PREX1: variants seen among roughly 807,000 people sequenced by gnomAD.
PREX1 encodes the protein phosphatidylinositol-3,4,5-trisphosphate dependent Rac exchange factor 1.
Under a neutral mutation model 198.3 loss-of-function variants are expected in PREX1, and 41 were observed. That is an observed-to-expected ratio of 0.21 (90% CI 0.16 to 0.27). The LOEUF is 0.27. Among genes scored for constraint, PREX1 ranks in the 10% least tolerant of loss-of-function variants. The pLI is 1.00. For synonymous variants in PREX1, 843 were observed against 887.2 expected, an observed-to-expected ratio of 0.95 and a Z score of 0.89; for missense variants, 1,620 against 2,200.7, an observed-to-expected ratio of 0.74 and a Z score of 5.28.
At chr20:48,688,564 G>GC in intron 10 of PREX1, 93 bp downstream of exon 10, 1 of 1,510,412 alleles carries the variant, frequency 6.6e-7, no homozygotes, top group East Asian at 2.3e-5. Context: ...TGGCTCCTGG[G>GC]CAGGGCCAGG....
chr20:48,795,622 G>A (rs1193577239), intron 1 of PREX1, among the ~76,000 whole-genome samples: 6 of 151,868 alleles, frequency 4.0e-5, no homozygotes, highest in African/African-American at 1.5e-4. Context: ...AAAAAGGCAG[G>A]AACCACCAAG....
chr20:48,847,550 A>C, the PREX1 span, among the ~76,000 whole-genome samples: 8 of 152,132 alleles, frequency 5.3e-5, no homozygotes, highest in Admixed American at 1.3e-4. Context: ...TATAGAAGAA[A>C]ATGAAAATTG....
Position 48,691,016 on chromosome 20 carries a change from T to C in PREX1, c.1117A>G (p.Met373Val). ...TGCTTCTCCTCTGCCGTCTTGGCCA[T>C]GCAGACAAACCACTTATTCTTGGCC... ...NTAKNKWFVCMAKTAEEKQKW... is the reference protein window; with the variant it reads ...NTAKNKWFVCVAKTAEEKQKW... The change falls in exon 9 of 40, where the codon ATG becomes GTG. Residue 373 changes from methionine to valine, a missense_variant. Met to Val is a conservative substitution (Grantham distance 21). Coordinates refer to ENST00000371941, the MANE Select transcript of PREX1 (RefSeq NM_020820.4). The surrounding 1 kb of genome is among the most constrained non-coding windows in gnomAD (Gnocchi z 5.0). 1 of 1,614,250 alleles carries C rather than the reference T, an allele frequency of 6.2e-7. No homozygotes were observed. The highest frequency in any genetic ancestry group is 8.5e-7 in the Non-Finnish European group (1 of 1,180,050).
intron 34 of PREX1, 21 bp downstream of exon 34, chr20:48,632,475 T>C: frequency 6.2e-7 from 1 of 1,613,874 alleles, no homozygotes. Flanking sequence ...TGGTCCTCCC[T>C]GCCCCAGGCC....
At chr20:48,663,078 G>A (rs904970447) in intron 15 of PREX1, among the ~76,000 whole-genome samples, 2 of 152,200 alleles carry the variant, frequency 1.3e-5, no homozygotes, top group Non-Finnish European at 2.9e-5. Context: ...CAGCTGTCCA[G>A]ACTGGCCCTT....
intron 25 of PREX1, among the ~76,000 whole-genome samples, chr20:48,648,004 C>T (rs1306835092): frequency 6.6e-6 from 1 of 152,188 alleles, no homozygotes; most frequent in Non-Finnish European, 1.5e-5. Context: ...CTTCTGGGCT[C>T]AAGTCATCCT....
chr20:48,787,072 G>A (rs1601135844), intron 1 of PREX1, among the ~76,000 whole-genome samples: 2 of 151,952 alleles, frequency 1.3e-5, no homozygotes, highest in East Asian at 3.9e-4. Flanking sequence ...CCTCACTGGT[G>A]GCTAGAAACG....
chr20:48,651,979 C>T (rs879774677), intron 21 of PREX1, among the ~76,000 whole-genome samples: 3 of 152,190 alleles, frequency 2.0e-5, no homozygotes, highest in African/African-American at 2.4e-5. Context: ...AGATTCTCCC[C>T]GAGAGCCCAA....
rs142766955 is a variant in PREX1, at chr20:48,787,591, G to A, written c.220-39711C>T. ...TGTAAGCAGGACGACGAAAACCCTC[G>A]TCTTCCCCCTTACATTAAAAAAAAA... On this transcript the variant is annotated intron_variant, in intron 1 of 39. Coordinates refer to ENST00000371941, the MANE Select transcript of PREX1 (RefSeq NM_020820.4). 3.7e-3 allele frequency among the ~76,000 whole-genome samples: 542 copies of A among 147,322 alleles called. 7 individuals carry two copies. The highest frequency in any genetic ancestry group is 0.013 in the African/African-American group (503 of 39,854).
At chr20:48,707,259 A>G (rs1238492649) in intron 6 of PREX1, among the ~76,000 whole-genome samples, 1 of 152,106 alleles carries the variant, frequency 6.6e-6, no homozygotes, top group East Asian at 1.9e-4. Context: ...CAGACCCCAA[A>G]TCATATCCCA....
At chr20:48,751,975 A>G (rs7274977) in intron 1 of PREX1, among the ~76,000 whole-genome samples, 62,581 of 152,012 alleles carry the variant, frequency 0.41, 13,193 homozygotes, top group Admixed American at 0.46. Flanking sequence ...CAACAAGTCT[A>G]GGGGAGGCAC....
intron 1 of PREX1, among the ~76,000 whole-genome samples, chr20:48,765,977 C>T (rs1429945153): frequency 6.6e-6 from 1 of 152,162 alleles, no homozygotes; most frequent in African/African-American, 2.4e-5. Flanking sequence ...ACAAACCCTA[C>T]TGCAAACCAC....
At position 48,739,553 on chromosome 20, in the gene PREX1, T is replaced by A. The variant is rs535753409; in HGVS notation, c.415-4903A>T. Among the ~76,000 whole-genome samples the A allele has an allele frequency of 7.9e-5, 12 of 152,342 alleles. 1 individual carries two copies. Among genetic ancestry groups the A allele is most frequent in the African/African-American group, 2.9e-4 (12 of 41,584 alleles). ...CTCTTTACCACATCTGCATTTTATG[T>A]TCTTCACAGTCTGCACTGGCATCTG... On this transcript the variant is annotated intron_variant, in intron 3 of 39. Transcript: ENST00000371941.
the PREX1 span, among the ~76,000 whole-genome samples, chr20:48,877,623 T>C: frequency 6.6e-6 from 1 of 152,236 alleles, no homozygotes; most frequent in Admixed American, 6.5e-5. Flanking sequence ...ATTGGCCTGG[T>C]GTAGGCCCCA....
chr20:48,700,088 C>A (rs1341441523), intron 7 of PREX1, among the ~76,000 whole-genome samples: 2 of 152,220 alleles, frequency 1.3e-5, no homozygotes, highest in Non-Finnish European at 2.9e-5. Context: ...ACCTACTCAG[C>A]CAACCATCTA....
intron 18 of PREX1, among the ~76,000 whole-genome samples, chr20:48,655,651 C>T (rs1004077642): frequency 6.6e-6 from 1 of 152,226 alleles, no homozygotes; most frequent in Non-Finnish European, 1.5e-5. Context: ...CATCCTCCCA[C>T]ACCTCCATCA....
the PREX1 span, among the ~76,000 whole-genome samples, chr20:48,862,790 A>AATATATATATATATATATAT: frequency 9.7e-6 from 1 of 102,584 alleles, no homozygotes; most frequent in Non-Finnish European, 1.9e-5. Context: ...TAAAAAAAAA[A>AATATATATATATATATATAT]ATATATATAT....
chr20:48,625,890 G>A lies in PREX1; in HGVS notation c.4975C>T (p.Leu1659Phe), dbSNP rs2089268237. 1.3e-6 allele frequency: 2 copies of A among 1,562,080 alleles called. No homozygotes were observed. The highest frequency in any genetic ancestry group is 1.7e-6 in the Non-Finnish European group (2 of 1,156,598). Reference protein sequence around the residue: ...RLCQPPVDGDL With the variant: ...RLCQPPVDGDF ...AGCGTGGGGCATTTGGGTGTTCAGA[G>A]GTCCCCATCCACCGGCGGCTGGCAG... The change falls in exon 40 of 40, where the codon CTC becomes TTC. Residue 1659 changes from leucine (L) to phenylalanine (F), a missense_variant. Coordinates refer to ENST00000371941, the MANE Select transcript of PREX1 (RefSeq NM_020820.4).
chr20:48,626,041 G>A, intron 39 of PREX1, 114 bp from the exon 40 acceptor site: 1 of 1,150,834 alleles, frequency 8.7e-7, no homozygotes, highest in Non-Finnish European at 1.2e-6. Context: ...AAACTCACAG[G>A]TATATAAAAG....
Sources: allele counts gnomAD v4.1 joint callset (sites outside exome capture counted in the v4.1 genomes callset), GRCh38; gene constraint gnomAD v4.1.1; non-coding constraint Gnocchi (gnomAD v3.1); transcripts MANE v1.5; gene names NCBI Gene and HGNC (gene_info 2026-07-23, HGNC 2026-07-21).